The following SMOC1 variants were observed in gnomAD, a reference collection of about 807,000 sequenced individuals.
SMOC1 encodes the protein SPARC-related modular calcium-binding protein 1.
Under a neutral mutation model 56.3 loss-of-function variants are expected in SMOC1, and 22 were observed. The observed-to-expected ratio is 0.39, with a 90% CI of 0.28 to 0.56. The LOEUF is 0.56. Among genes scored for constraint, SMOC1 ranks in the 20% least tolerant of loss-of-function variants. The pLI is 0.61. For synonymous variants in SMOC1, 193 were observed against 215.0 expected (o/e 0.90, Z 0.89); for missense variants, 509 against 565.4 (o/e 0.90, Z 1.01).
At chr14:69,953,331 C>G in intron 2 of SMOC1, 89 bp from the exon 3 acceptor site, 1 of 1,219,180 alleles carries the variant, frequency 8.2e-7, no homozygotes, top group Non-Finnish European at 1.2e-6. Flanking sequence ...GGCTCCCGCA[C>G]AGGTGGAGTG....
intron 3 of SMOC1, among the ~76,000 whole-genome samples, chr14:69,962,615 C>T (rs1011059707): frequency 6.6e-6 from 1 of 151,746 alleles, no homozygotes; most frequent in Non-Finnish European, 1.5e-5. Flanking sequence ...CTCACTCTGT[C>T]ACCTAGGCTG....
chr14:69,935,783 A>G (rs1193112609), intron 1 of SMOC1, among the ~76,000 whole-genome samples: 1 of 152,248 alleles, frequency 6.6e-6, no homozygotes, highest in African/African-American at 2.4e-5. Context: ...TGAAATAGGA[A>G]CAGTGAGGAT....
chr14:69,994,505 T>A (rs779786550), intron 7 of SMOC1, 25 bp downstream of exon 7: 21 of 1,571,864 alleles, frequency 1.3e-5, no homozygotes, highest in Admixed American at 3.3e-5. Context: ...TTGGATTATA[T>A]ATGTACCCAG....
At chr14:69,916,232 C>T (rs1884683351) in intron 1 of SMOC1, among the ~76,000 whole-genome samples, 1 of 152,242 alleles carries the variant, frequency 6.6e-6, no homozygotes, top group African/African-American at 2.4e-5. Context: ...CTCTTTCTCT[C>T]ATATCCCAAA....
chr14:69,887,591 T>C (rs763819182), intron 1 of SMOC1, among the ~76,000 whole-genome samples: 28 of 152,340 alleles, frequency 1.8e-4, no homozygotes, highest in Non-Finnish European at 4.1e-4. Flanking sequence ...GGGACTCCTT[T>C]CTTGCCACCT....
At chr14:69,936,285 T>G (rs114505187) in intron 1 of SMOC1, among the ~76,000 whole-genome samples, 37 of 152,312 alleles carry the variant, frequency 2.4e-4, no homozygotes, top group African/African-American at 8.7e-4. Context: ...ACTGGTGAGA[T>G]TCAGAGCTGC....
At chr14:69,898,157 T>C (rs1298393231) in intron 1 of SMOC1, among the ~76,000 whole-genome samples, 1 of 152,224 alleles carries the variant, frequency 6.6e-6, no homozygotes, top group African/African-American at 2.4e-5. Context: ...ATTCTTATCT[T>C]TGCTCTTCTA....
At chr14:69,996,168 A>G (rs1422681551) in intron 7 of SMOC1, among the ~76,000 whole-genome samples, 2 of 152,156 alleles carry the variant, frequency 1.3e-5, no homozygotes, top group Non-Finnish European at 2.9e-5. Context: ...TCACTTACCC[A>G]TGCATTTGAT....
At chr14:69,951,795 T>C (rs1013558167) in intron 1 of SMOC1, among the ~76,000 whole-genome samples, 4 of 152,222 alleles carry the variant, frequency 2.6e-5, no homozygotes, top group African/African-American at 9.6e-5. Flanking sequence ...TATAGCTATG[T>C]GACACTGGGC....
intron 1 of SMOC1, among the ~76,000 whole-genome samples, chr14:69,889,232 C>T (rs1433022970): frequency 6.6e-6 from 1 of 152,210 alleles, no homozygotes; most frequent in Non-Finnish European, 1.5e-5. Flanking sequence ...TAGACCTCAG[C>T]AGGGCTGAAC....
At position 69,885,877 on chromosome 14, in the gene SMOC1, G is replaced by T. The variant is rs1883791107; in HGVS notation, c.99+6100G>T. On this transcript the variant is annotated intron_variant, in intron 1 of 11. Transcript: ENST00000361956. ...TAAGCAGCTGAGTAGCTGTTTGGCG[G>T]TCCAGGGCCTGGGTGAACTGGTTAA... The T allele has an allele frequency of 1.9e-6, 3 of 1,601,494 alleles. 1 individual carries two copies. Among genetic ancestry groups the T allele is most frequent in the Middle Eastern group, 4.0e-4 (2 of 4,944 alleles).
intron 3 of SMOC1, among the ~76,000 whole-genome samples, chr14:69,967,411 T>C (rs777974320): frequency 1.3e-5 from 2 of 152,240 alleles, no homozygotes; most frequent in Non-Finnish European, 2.9e-5. Context: ...CTGCCCAGGA[T>C]CGCTTTGAAT....
intron 1 of SMOC1, among the ~76,000 whole-genome samples, chr14:69,928,356 A>G (rs1331708935): frequency 1.3e-5 from 2 of 152,164 alleles, no homozygotes; most frequent in East Asian, 3.9e-4. Flanking sequence ...TTCTTGGCAA[A>G]TTGCGACTTT....
chr14:69,885,156 T>G (rs565357094), intron 1 of SMOC1, among the ~76,000 whole-genome samples: 64 of 152,318 alleles, frequency 4.2e-4, no homozygotes, highest in Non-Finnish European at 6.9e-4. Context: ...TCTCACCTCT[T>G]GATCACTTGA....
chr14:69,986,567 G>A (rs1411710124), intron 5 of SMOC1, among the ~76,000 whole-genome samples: 2 of 152,094 alleles, frequency 1.3e-5, no homozygotes, highest in Middle Eastern at 3.2e-3. Context: ...GGGTACACAG[G>A]ACCTCTCTGT....
chr14:69,896,842 G>A (rs555243511), intron 1 of SMOC1, among the ~76,000 whole-genome samples: 6 of 152,250 alleles, frequency 3.9e-5, no homozygotes, highest in South Asian at 4.1e-4. Flanking sequence ...GTCTCTTTTC[G>A]TTTTTCCCTT....
intron 7 of SMOC1, among the ~76,000 whole-genome samples, chr14:70,004,050 T>C (rs1177251973): frequency 3.9e-5 from 6 of 152,092 alleles, no homozygotes; most frequent in African/African-American, 1.4e-4. Flanking sequence ...GTCAGCTTAC[T>C]TTTTCTGTAG....
rs1202095008 is a variant in SMOC1 at position 70,010,952 on chromosome 14, C to A, written c.857+6C>A. 6.2e-6 allele frequency: 10 copies of A among 1,611,860 alleles called. No individual in the cohort carries two copies. In the Admixed American group the frequency reaches 8.3e-5, roughly 13 times the overall value. ...CTGCCTGGGACCTCCACACGGTAAGCCCCCCAGACTGGGTCCTGGGAAAAA... is the reference window on the plus strand; with the variant it reads ...CTGCCTGGGACCTCCACACGGTAAGACCCCCAGACTGGGTCCTGGGAAAAA... On this transcript the variant is annotated splice_donor_region_variant and intron_variant, in intron 8 of 11. Coordinates refer to ENST00000361956, the MANE Select transcript of SMOC1 (RefSeq NM_001034852.3).
chr14:69,885,313 A>G (rs1024119835), intron 1 of SMOC1: 1 of 1,044,524 alleles, frequency 9.6e-7, no homozygotes, highest in Non-Finnish European at 1.3e-6. Context: ...AATTATTTTT[A>G]TGTACAGAAA....
Sources: allele counts gnomAD v4.1 joint callset (sites outside exome capture counted in the v4.1 genomes callset), GRCh38; gene constraint gnomAD v4.1.1; transcripts MANE v1.5; gene names NCBI Gene and HGNC (gene_info 2026-07-23, HGNC 2026-07-21).